Variants in GRID2 observed in about 807,000 individuals in gnomAD.
GRID2 encodes glutamate ionotropic receptor delta type subunit 2, also known as glutamate receptor ionotropic, delta-2.
In GRID2, 33 loss-of-function variants were observed where a neutral mutation model predicts 114.8. The observed-to-expected ratio is 0.29, with a 90% CI of 0.22 to 0.38. The LOEUF (loss-of-function observed/expected upper bound fraction) is 0.38. GRID2 is among the 10% of genes least tolerant of loss of function. GRID2 has a pLI of 1.00. For missense variants in GRID2, 1,184 were observed against 1,257.7 expected (o/e 0.94, Z 0.89); for synonymous variants, 505 against 449.9 (o/e 1.12, Z -1.55).
intron 2 of GRID2, among the ~76,000 whole-genome samples, chr4:92,804,497 G>T (rs1229788417): frequency 6.6e-6 from 1 of 151,752 alleles, no homozygotes; most frequent in Non-Finnish European, 1.5e-5. Context: ...TAAAAAAAAT[G>T]GTTAAATTAT....
intron 3 of GRID2, among the ~76,000 whole-genome samples, chr4:93,091,246 G>A (rs2149329210): frequency 6.6e-6 from 1 of 152,228 alleles, no homozygotes; most frequent in African/African-American, 2.4e-5. Context: ...TAATGAGTGA[G>A]AATAGTGGCA....
At chr4:93,116,569 C>T (rs747309309) in intron 4 of GRID2, among the ~76,000 whole-genome samples, 6 of 152,078 alleles carry the variant, frequency 3.9e-5, no homozygotes, top group Admixed American at 6.6e-5. Flanking sequence ...CCAAAATCCC[C>T]ATTTCCTGAC....
At chr4:93,087,216 A>G (rs578206727) in intron 3 of GRID2, among the ~76,000 whole-genome samples, 84 of 149,450 alleles carry the variant, frequency 5.6e-4, no homozygotes, top group Admixed American at 2.4e-3. Flanking sequence ...TTTTTTTTGT[A>G]TTTTTAGTAG....
At chr4:92,890,777 G>A (rs1005711860) in intron 2 of GRID2, among the ~76,000 whole-genome samples, 2 of 152,132 alleles carry the variant, frequency 1.3e-5, no homozygotes, top group Non-Finnish European at 2.9e-5. Context: ...ATACCCAAAG[G>A]CTTTTAAGTC....
chr4:92,638,927 T>C (rs936316612), intron 2 of GRID2, among the ~76,000 whole-genome samples: 1 of 151,290 alleles, frequency 6.6e-6, no homozygotes, highest in African/African-American at 2.4e-5. Context: ...TGTGTTTGAT[T>C]TTCAAATATA....
chr4:93,514,264 C>T (rs956381422), intron 12 of GRID2, among the ~76,000 whole-genome samples: 2 of 151,998 alleles, frequency 1.3e-5, no homozygotes, highest in African/African-American at 4.8e-5. Flanking sequence ...AATCGACCAC[C>T]AATTTAGAGA....
intron 1 of GRID2, among the ~76,000 whole-genome samples, chr4:92,561,552 A>G (rs34867192): frequency 0.21 from 32,411 of 152,126 alleles, 3,798 homozygotes; most frequent in South Asian, 0.29. Context: ...TCTTCTACAG[A>G]GCAGGATATA....
intron 2 of GRID2, among the ~76,000 whole-genome samples, chr4:93,058,953 G>C (rs569050717): frequency 6.6e-6 from 1 of 152,114 alleles, no homozygotes; most frequent in South Asian, 2.1e-4. Context: ...CAAAACAGGT[G>C]TGTATTCAAT....
chr4:93,167,681 G>A (rs1336726538), intron 4 of GRID2, among the ~76,000 whole-genome samples: 4 of 152,138 alleles, frequency 2.6e-5, no homozygotes, highest in Admixed American at 6.6e-5. Context: ...TTTGGATACT[G>A]ATTCAAATGA....
chr4:93,746,626 G>A (rs536262391), intron 14 of GRID2, among the ~76,000 whole-genome samples: 68 of 152,072 alleles, frequency 4.5e-4, no homozygotes, highest in African/African-American at 1.6e-3. Context: ...AGTACAAAAT[G>A]TTAAAAAAGA....
At chr4:93,271,586 T>A (rs564002897) in intron 8 of GRID2, among the ~76,000 whole-genome samples, 5 of 152,292 alleles carry the variant, frequency 3.3e-5, no homozygotes, top group African/African-American at 1.2e-4. Flanking sequence ...GGGCCAGAGT[T>A]TGAATTTTCA....
chr4:92,838,618 T>C (rs1163621948), intron 2 of GRID2, among the ~76,000 whole-genome samples: 1 of 152,140 alleles, frequency 6.6e-6, no homozygotes, highest in Non-Finnish European at 1.5e-5. Flanking sequence ...TGCATGTACA[T>C]TTCTATTATC....
chr4:92,441,758 GGGTGCATGATC>G (rs1234255980), intron 1 of GRID2, among the ~76,000 whole-genome samples: 1 of 152,050 alleles, frequency 6.6e-6, no homozygotes, highest in Non-Finnish European at 1.5e-5. Context: ...AGATGGTAAG[GGGTGCATGATC>G]GGTCGCCAAG....
intron 13 of GRID2, among the ~76,000 whole-genome samples, chr4:93,547,609 A>G (rs541096659): frequency 3.3e-5 from 5 of 152,194 alleles, no homozygotes; most frequent in Admixed American, 6.5e-5. Flanking sequence ...TACATTTCAT[A>G]GTATTCACAA....
At chr4:93,339,142 C>T (rs1759382107) in intron 8 of GRID2, among the ~76,000 whole-genome samples, 1 of 152,164 alleles carries the variant, frequency 6.6e-6, no homozygotes, top group African/African-American at 2.4e-5. Context: ...GCTAACAAGA[C>T]CACTAATGCC....
Position 93,515,226 on chromosome 4 carries a change from G to T in GRID2, c.2008G>T (p.Asp670Tyr). Residue 670 changes from aspartate to tyrosine, a missense_variant, in exon 13 of 16, where the codon GAC becomes TAC. Asp to Tyr is a radical substitution (Grantham distance 160). This residue lies in a region of GRID2 where 717 missense variants were observed against 796.9 expected (regional missense o/e 0.90). Transcript: ENST00000282020. ...RIESSIQSLQDLSKQTEIPYG... is the reference protein window; with the variant it reads ...RIESSIQSLQYLSKQTEIPYG... The stretch of plus-strand genomic sequence containing the variant: ...CTCCCAATAATCAAGGTCTCTCCAG[G>T]ACCTTTCCAAGCAAACAGAAATCCC... The T allele has an allele frequency of 6.3e-7, 1 of 1,581,718 alleles. No homozygotes were observed. The highest frequency in any genetic ancestry group is 1.1e-5 in the South Asian group (1 of 88,720).
chr4:93,692,779 C>A (rs1435021860), intron 14 of GRID2, among the ~76,000 whole-genome samples: 1 of 152,122 alleles, frequency 6.6e-6, no homozygotes, highest in African/African-American at 2.4e-5. Flanking sequence ...ATAAAGTTTT[C>A]TTCATTGACT....
In GRID2 at chr4:92,855,484, A is replaced by AC. The variant is rs5860296; in HGVS notation, c.245-229511_245-229510insC. On this transcript the variant is annotated intron_variant, in intron 2 of 15. Transcript: ENST00000282020. ...CATGGTTTCCCATGTTCTTTTTGTT[A>AC]TTTGATTCTGCATATGACATTGCTT... Among the ~76,000 whole-genome samples the AC allele has an allele frequency of 5.9e-3, 901 of 152,040 alleles. 15 individuals are homozygous for AC. Among genetic ancestry groups the AC allele is most frequent in the African/African-American group, 0.021 (855 of 41,522 alleles).
chr4:93,074,800 G>A (rs1253758599), intron 2 of GRID2, among the ~76,000 whole-genome samples: 1 of 152,106 alleles, frequency 6.6e-6, no homozygotes, highest in African/African-American at 2.4e-5. Context: ...ATCGTATAAA[G>A]AGAGCTGACA....
Sources: allele counts gnomAD v4.1 joint callset (sites outside exome capture counted in the v4.1 genomes callset), GRCh38; gene constraint gnomAD v4.1.1; regional missense constraint gnomAD v4.1.1; transcripts MANE v1.5; gene names NCBI Gene and HGNC (gene_info 2026-07-23, HGNC 2026-07-21).